DPY19L3: variants seen among roughly 807,000 people sequenced by gnomAD.
DPY19L3 encodes the protein protein C-mannosyl-transferase DPY19L3.
A neutral mutation model predicts 92.3 loss-of-function variants in DPY19L3; 51 were observed. The observed-to-expected ratio is 0.55, with a 90% CI of 0.44 to 0.70. The LOEUF (loss-of-function observed/expected upper bound fraction) is 0.70, where lower values mean the gene tolerates loss of function less well. DPY19L3 is among the 30% of genes least tolerant of loss of function. The pLI, the probability that DPY19L3 is intolerant of heterozygous loss-of-function variation, is 0.00. For missense variants in DPY19L3, 706 were observed against 855.9 expected, an observed-to-expected ratio of 0.82 and a Z score of 2.18; for synonymous variants, 309 against 315.2, an observed-to-expected ratio of 0.98 and a Z score of 0.21.
chr19:32,447,715 T>C (rs987727228), intron 8 of DPY19L3, among the ~76,000 whole-genome samples: 2 of 139,022 alleles, frequency 1.4e-5, no homozygotes, highest in African/African-American at 5.4e-5. Context: ...AAACTCCGTC[T>C]CATTCATAGA....
chr19:32,476,408 G>T (rs925601559), intron 16 of DPY19L3, among the ~76,000 whole-genome samples: 2 of 151,786 alleles, frequency 1.3e-5, no homozygotes, highest in African/African-American at 2.4e-5. Flanking sequence ...AACGCAGCCC[G>T]CAGTGTCCTC....
rs765201099 is a variant in DPY19L3 at position 32,411,421 on chromosome 19, G to A, written c.237+49G>A. ...TATCATTCACTCAGTGGGATCTCCAGTAGTAAGCCATGTGGATGAATGACC... is the reference window on the plus strand; with the variant it reads ...TATCATTCACTCAGTGGGATCTCCAATAGTAAGCCATGTGGATGAATGACC... On this transcript the variant is annotated intron_variant, in intron 3 of 18. Coordinates refer to ENST00000392250, the MANE Select transcript of DPY19L3 (RefSeq NM_001172774.2). 5 of 1,604,076 alleles carry A rather than the reference G, an allele frequency of 3.1e-6. 1 individual carries two copies. In the South Asian group the frequency reaches 5.5e-5, roughly 18 times the overall value.
At chr19:32,481,937 C>T (rs866065593) in intron 18 of DPY19L3, 142 bp from the exon 19 acceptor site, 1 of 916,664 alleles carries the variant, frequency 1.1e-6, no homozygotes, top group South Asian at 1.8e-5. Flanking sequence ...CTGATGATCT[C>T]CAGGTGCCCA....
chr19:32,453,490 A>G (rs770711359), intron 9 of DPY19L3, among the ~76,000 whole-genome samples: 1 of 152,170 alleles, frequency 6.6e-6, no homozygotes, highest in Non-Finnish European at 1.5e-5. Flanking sequence ...TATTTCTTAG[A>G]GAATTGGAAC....
intron 2 of DPY19L3, among the ~76,000 whole-genome samples, chr19:32,410,918 G>T (rs780190041): frequency 3.9e-5 from 6 of 152,186 alleles, no homozygotes; most frequent in Non-Finnish European, 7.3e-5. Context: ...CCATTTAACA[G>T]ACTTCATAGT....
intron 8 of DPY19L3, among the ~76,000 whole-genome samples, chr19:32,450,048 T>C (rs1199438616): frequency 2.6e-5 from 4 of 152,198 alleles, no homozygotes; most frequent in Non-Finnish European, 4.4e-5. Flanking sequence ...AGAACTCTTA[T>C]AACTCTTTCA....
Position 32,430,064 on chromosome 19 carries a change from A to T in DPY19L3, c.238-2652A>T, listed in dbSNP as rs1317952843. ...TTAAAAAGCTGTATCATTATGTAGT[A>T]GCCTTTTTATAACGCAAGTGTGTTA... On this transcript the variant is annotated intron_variant, in intron 3 of 18. Coordinates refer to ENST00000392250, the MANE Select transcript of DPY19L3 (RefSeq NM_001172774.2). 2.6e-5 allele frequency among the ~76,000 whole-genome samples: 4 copies of T among 152,210 alleles called. No homozygotes were observed. The East Asian group carries it at 7.7e-4, about 29-fold the overall frequency.
At chr19:32,445,027 A>G (rs1969440810) in intron 8 of DPY19L3, among the ~76,000 whole-genome samples, 1 of 150,924 alleles carries the variant, frequency 6.6e-6, no homozygotes, top group Non-Finnish European at 1.5e-5. Context: ...AGTGAACTGT[A>G]ATTGCACCAC....
chr19:32,439,982 A>C, intron 8 of DPY19L3, 72 bp downstream of exon 8: 1 of 1,566,296 alleles, frequency 6.4e-7, no homozygotes, highest in East Asian at 2.3e-5. Flanking sequence ...ATGAGATGAA[A>C]ATATGCAAGT....
intron 4 of DPY19L3, among the ~76,000 whole-genome samples, chr19:32,435,565 T>C (rs561094829): frequency 6.6e-6 from 1 of 152,372 alleles, no homozygotes; most frequent in South Asian, 2.1e-4. Context: ...ATGACACCAT[T>C]TTGTATTCCC....
chr19:32,447,778 T>TAGA (rs746524402), intron 8 of DPY19L3, among the ~76,000 whole-genome samples: 3 of 139,718 alleles, frequency 2.1e-5, no homozygotes, highest in African/African-American at 2.7e-5. Context: ...GATAGATAGA[T>TAGA]TAGATAAGAT....
At chr19:32,477,285 C>T (rs545236660) in intron 16 of DPY19L3, among the ~76,000 whole-genome samples, 7 of 151,996 alleles carry the variant, frequency 4.6e-5, no homozygotes, top group African/African-American at 1.7e-4. Flanking sequence ...AAACATGGGG[C>T]TGGTGCAAAA....
At position 32,439,735 on chromosome 19, in the gene DPY19L3, A is replaced by G. The variant is rs1293138820; in HGVS notation, c.721-41A>G. On this transcript the variant is annotated intron_variant, in intron 7 of 18. Transcript: ENST00000392250. ...AAACTTGTCTGCAAGGTTTTTTATTACTAGAGACATGTAAATTATACAAAG... is the reference window on the plus strand; with the variant it reads ...AAACTTGTCTGCAAGGTTTTTTATTGCTAGAGACATGTAAATTATACAAAG... 1.9e-6 allele frequency: 3 copies of G among 1,597,324 alleles called. No individual in the cohort carries two copies. In the African/African-American group the frequency reaches 4.1e-5, roughly 22 times the overall value.
rs945045465 is a variant in DPY19L3, at chr19:32,437,428, C to T, written c.596+89C>T. The T allele has an allele frequency of 5.5e-6, 8 of 1,457,282 alleles. No homozygotes were observed. In the African/African-American group the frequency reaches 1.1e-4, roughly 21 times the overall value. 90.3% of individuals were successfully genotyped at this position (1,457,282 alleles called of 1,614,324 possible). On this transcript the variant is annotated intron_variant, in intron 6 of 18. Coordinates refer to ENST00000392250, the MANE Select transcript of DPY19L3 (RefSeq NM_001172774.2). Reference sequence around the variant, plus strand: ...TTCCAGCTCAGAGAAATTTCTTCTGCCACATTTGTTTGGTTGGGAGCAGTT... The same window carrying T: ...TTCCAGCTCAGAGAAATTTCTTCTGTCACATTTGTTTGGTTGGGAGCAGTT...
At chr19:32,451,243 A>G (rs889972515) in intron 8 of DPY19L3, among the ~76,000 whole-genome samples, 8 of 152,238 alleles carry the variant, frequency 5.3e-5, no homozygotes. Flanking sequence ...TGAGAAAGTG[A>G]TATGGTAGGA....
At chr19:32,468,224 G>A (rs1446331832) in intron 15 of DPY19L3, 27 of 933,460 alleles carry the variant, frequency 2.9e-5, no homozygotes, top group Non-Finnish European at 3.4e-5. Flanking sequence ...GCTGCCTGTT[G>A]CGTCATCCAT....
chr19:32,428,850 GTTGT>G (rs922501466), intron 3 of DPY19L3, among the ~76,000 whole-genome samples: 8 of 144,882 alleles, frequency 5.5e-5, no homozygotes, highest in African/African-American at 2.1e-4. Context: ...TCTTGTTGTT[GTTGT>G]TTGTTTGTTT....
rs1438565179 is a variant in DPY19L3 at position 32,485,822 on chromosome 19, G to A, written c.*3582G>A. ...CACCCTTTGGGTAAAATCTTGCAAAGAGCTTTTATAATTTGTTTTACTGAA... is the reference window on the plus strand; with the variant it reads ...CACCCTTTGGGTAAAATCTTGCAAAAAGCTTTTATAATTTGTTTTACTGAA... On this transcript the variant is annotated 3_prime_UTR_variant, in exon 19 of 19. Coordinates refer to ENST00000392250, the MANE Select transcript of DPY19L3 (RefSeq NM_001172774.2). 6.6e-6 allele frequency: 1 copy of A among 152,184 alleles called. No individual in the cohort carries two copies. Among genetic ancestry groups the A allele is most frequent in the Non-Finnish European group, 1.5e-5 (1 of 68,034 alleles). 9.4% of individuals were successfully genotyped at this position (152,184 alleles called of 1,614,324 possible). A position where few individuals can be genotyped will look rare whatever the true frequency, so the allele number is the denominator to read the frequency against.
At chr19:32,468,905 C>T in intron 16 of DPY19L3, 92 bp downstream of exon 16, 2 of 1,265,288 alleles carry the variant, frequency 1.6e-6, no homozygotes, top group Non-Finnish European at 2.2e-6. Flanking sequence ...TTGTTTGTTT[C>T]TGAATCTAAT....
Sources: allele counts gnomAD v4.1 joint callset (sites outside exome capture counted in the v4.1 genomes callset), GRCh38; gene constraint gnomAD v4.1.1; transcripts MANE v1.5; gene names NCBI Gene and HGNC (gene_info 2026-07-23, HGNC 2026-07-21).